The following AR variants were observed in gnomAD, a reference collection of about 807,000 sequenced individuals.
The protein encoded by AR is androgen receptor.
AR carries 8 observed loss-of-function variants against 53.9 expected under a neutral mutation model. That is an observed-to-expected ratio of 0.15 (90% CI 0.09 to 0.27). AR has a LOEUF of 0.27. Ranked by LOEUF, AR falls within the 10% of genes least tolerant of loss-of-function variation. The pLI is 1.00. For missense variants in AR, 639 were observed against 742.5 expected, an observed-to-expected ratio of 0.86 and a Z score of 1.62; for synonymous variants, 359 against 316.4, an observed-to-expected ratio of 1.13 and a Z score of -1.43.
chrX:67,715,675 A>G (rs983055354), intron 4 of AR, among the ~76,000 whole-genome samples: 2 of 112,028 alleles, frequency 1.8e-5, no homozygotes, highest in African/African-American at 6.5e-5. Flanking sequence ...CATATAAACC[A>G]TATGACCTTG....
chrX:67,590,881 A>G (rs1922798274), intron 1 of AR, among the ~76,000 whole-genome samples: 1 of 112,305 alleles, frequency 8.9e-6, no homozygotes, highest in Admixed American at 9.4e-5. Context: ...TGTTCAAATA[A>G]AGAGTAAAAT....
At chrX:67,716,547 C>A in intron 4 of AR, among the ~76,000 whole-genome samples, 1 of 111,430 alleles carries the variant, frequency 9.0e-6, no homozygotes, top group East Asian at 2.8e-4. Flanking sequence ...CATAAAGGGC[C>A]TATTCATGTA....
intron 1 of AR, among the ~76,000 whole-genome samples, chrX:67,584,662 A>G (rs1444610535): frequency 1.8e-5 from 2 of 112,329 alleles, no homozygotes; most frequent in African/African-American, 6.5e-5. Flanking sequence ...ATAACTTGGT[A>G]ACTGTTGATA....
At chrX:67,581,867 A>T (rs975186498) in intron 1 of AR, among the ~76,000 whole-genome samples, 3 of 111,234 alleles carry the variant, frequency 2.7e-5, no homozygotes, top group Non-Finnish European at 5.7e-5. Context: ...ATAGAATTTT[A>T]CAAGACTCTA....
chrX:67,651,012 A>T (rs952851450), intron 2 of AR, among the ~76,000 whole-genome samples: 4 of 110,126 alleles, frequency 3.6e-5, no homozygotes, highest in Non-Finnish European at 7.6e-5. Context: ...TGCTTCCAGG[A>T]GGTTATAGCT....
At chrX:67,716,846 T>A (rs950084109) in intron 4 of AR, among the ~76,000 whole-genome samples, 2 of 111,836 alleles carry the variant, frequency 1.8e-5, no homozygotes, top group Admixed American at 9.5e-5. Context: ...GGGAAATGAT[T>A]GTTAAACTGC....
intron 1 of AR, among the ~76,000 whole-genome samples, chrX:67,629,557 T>G (rs2147411119): frequency 9.1e-6 from 1 of 109,977 alleles, no homozygotes; most frequent in East Asian, 2.9e-4. Context: ...GCTAGCAGTC[T>G]ATCAATTTTG....
chrX:67,610,518 T>C (rs868704920), intron 1 of AR, among the ~76,000 whole-genome samples: 37 of 111,072 alleles, frequency 3.3e-4, no homozygotes, highest in African/African-American at 1.1e-3. Flanking sequence ...GTGACTAGCT[T>C]CTTGTGTTTG....
Position 67,545,234 on chromosome X carries a change from G to A in AR, c.88G>A (p.Val30Met), listed in dbSNP as rs761416673. Residue 30 changes from valine to methionine, a missense_variant, in exon 1 of 8, where the codon GTG becomes ATG. This residue lies in a region of AR where 55 missense variants were observed against 84.8 expected (regional missense o/e 0.65). Transcript: ENST00000374690. Reference protein sequence around the residue: ...RGAFQNLFQSVREVIQNPGPR... With the variant: ...RGAFQNLFQSMREVIQNPGPR... ...AGCTTTCCAGAATCTGTTCCAGAGCGTGCGCGAAGTGATCCAGAACCCGGG... is the reference window on the plus strand; with the variant it reads ...AGCTTTCCAGAATCTGTTCCAGAGCATGCGCGAAGTGATCCAGAACCCGGG... 8.3e-7 allele frequency: 1 copy of A among 1,210,251 alleles called. No individual in the cohort carries two copies. The highest frequency in any genetic ancestry group is 1.1e-6 in the Non-Finnish European group (1 of 895,173).
intron 3 of AR, among the ~76,000 whole-genome samples, chrX:67,704,768 T>G (rs972463232): frequency 3.6e-5 from 4 of 112,333 alleles, no homozygotes. Context: ...TCTAGGGTTT[T>G]ATGGTTTTAG....
chrX:67,561,018 A>C (rs1921277471), intron 1 of AR, among the ~76,000 whole-genome samples: 1 of 112,162 alleles, frequency 8.9e-6, no homozygotes, highest in African/African-American at 3.2e-5. Context: ...AGAGTGCATA[A>C]GACCTTTTGG....
chrX:67,611,204 C>G (rs1394166352), intron 1 of AR, among the ~76,000 whole-genome samples: 2 of 111,716 alleles, frequency 1.8e-5, no homozygotes, highest in East Asian at 5.6e-4. Context: ...ATTACCTTTT[C>G]CCTGCCAAAA....
At chrX:67,619,079 G>A (rs1924250509) in intron 1 of AR, among the ~76,000 whole-genome samples, 1 of 111,511 alleles carries the variant, frequency 9.0e-6, no homozygotes, top group Admixed American at 9.6e-5. Flanking sequence ...ACTGAAGGTG[G>A]AATCAGTGTT....
In AR at chrX:67,551,626, G is replaced by T. The variant is rs890096374; in HGVS notation, c.1616+4864G>T. Among the ~76,000 whole-genome samples the T allele has an allele frequency of 2.7e-5, 3 of 111,730 alleles. No homozygotes were observed. In the Admixed American group the frequency reaches 2.8e-4, roughly 11 times the overall value. ...CGTGTAAGTGTGAGTAGGCCAGGAG[G>T]GGTGCTTAGTGATTACCCTTTTGCT... On this transcript the variant is annotated intron_variant, in intron 1 of 7. Coordinates refer to ENST00000374690, the MANE Select transcript of AR (RefSeq NM_000044.6).
chrX:67,711,806 A>G (rs907481087), intron 4 of AR, 117 bp downstream of exon 4: 1 of 776,135 alleles, frequency 1.3e-6, no homozygotes, highest in Non-Finnish European at 1.8e-6. Flanking sequence ...AGTCTTCATC[A>G]TAACCCTGTG....
intron 1 of AR, among the ~76,000 whole-genome samples, chrX:67,636,916 C>T (rs2147424689): frequency 9.0e-6 from 1 of 111,657 alleles, no homozygotes; most frequent in East Asian, 2.8e-4. Context: ...TATTTATCTT[C>T]CTCTTCCTCC....
chrX:67,629,126 T>C (rs1313999926), intron 1 of AR, among the ~76,000 whole-genome samples: 1 of 111,300 alleles, frequency 9.0e-6, no homozygotes, highest in Non-Finnish European at 1.9e-5. Context: ...TGCCCGTCTT[T>C]GGTATCAGGA....
At chrX:67,551,602 G>A (rs755687948) in intron 1 of AR, among the ~76,000 whole-genome samples, 16 of 111,830 alleles carry the variant, frequency 1.4e-4, no homozygotes, top group Admixed American at 1.0e-3. Flanking sequence ...CACTGCATTC[G>A]TGTAAGTGTG....
At chrX:67,668,532 T>TA (rs200082160) in intron 2 of AR, among the ~76,000 whole-genome samples, 6,698 of 110,915 alleles carry the variant, frequency 0.06, 521 homozygotes, top group African/African-American at 0.21. Flanking sequence ...TCCTTTTTTT[T>TA]ATGTGTCTTT....
Sources: allele counts gnomAD v4.1 joint callset (sites outside exome capture counted in the v4.1 genomes callset), GRCh38; gene constraint gnomAD v4.1.1; regional missense constraint gnomAD v4.1.1; transcripts MANE v1.5; gene names NCBI Gene and HGNC (gene_info 2026-07-23, HGNC 2026-07-21).